The following FBLN1 variants were observed in gnomAD, a reference collection of about 807,000 sequenced individuals.
FBLN1 encodes fibulin 1, also known as fibulin-1.
A neutral mutation model predicts 89.7 loss-of-function variants in FBLN1; 34 were observed. The observed-to-expected ratio is 0.38, with a 90% confidence interval of 0.29 to 0.50. The LOEUF is 0.50. FBLN1 is among the 20% of genes least tolerant of loss of function. FBLN1 has a pLI of 0.92. For synonymous variants in FBLN1, 393 were observed against 391.3 expected, an observed-to-expected ratio of 1.00 and a Z score of -0.05; for missense variants, 777 against 988.1, an observed-to-expected ratio of 0.79 and a Z score of 2.86.
chr22:45,505,280 C>T (rs1014404376), intron 1 of FBLN1, among the ~76,000 whole-genome samples: 1 of 152,190 alleles, frequency 6.6e-6, no homozygotes, highest in Non-Finnish European at 1.5e-5. Flanking sequence ...GGCAGCGTTT[C>T]CGACTGATTA....
Position 45,562,956 on chromosome 22 carries a change from A to G in FBLN1, c.1698-11555A>G. On this transcript the variant is annotated intron_variant, in intron 14 of 16. Transcript: ENST00000327858. This position sits in a 1 kb window ranked among gnomAD's most constrained non-coding sequence, Gnocchi z 7.8. ...TGCCATGAGAATCGGGAGTGCTCCA[A>G]GCTGCCTCTGAGAATAACCTACTAC... 6.2e-7 allele frequency: 1 copy of G among 1,614,008 alleles called. No individual in the cohort carries two copies. Among genetic ancestry groups the G allele is most frequent in the Non-Finnish European group, 8.5e-7 (1 of 1,180,010 alleles).
At chr22:45,503,663 A>T (rs1021689417) in intron 1 of FBLN1, among the ~76,000 whole-genome samples, 4 of 152,046 alleles carry the variant, frequency 2.6e-5, no homozygotes, top group Non-Finnish European at 5.9e-5. Flanking sequence ...GATGGAGGGG[A>T]TGCGGACCTG....
chr22:45,554,694 C>T (rs563795450), intron 14 of FBLN1, among the ~76,000 whole-genome samples: 115 of 152,328 alleles, frequency 7.5e-4, no homozygotes, highest in African/African-American at 2.7e-3. Context: ...ATGCTCCTGA[C>T]CTCAGAATCC....
chr22:45,554,899 A>G (rs1378643904), intron 14 of FBLN1, among the ~76,000 whole-genome samples: 1 of 152,156 alleles, frequency 6.6e-6, no homozygotes, highest in East Asian at 1.9e-4. Context: ...GGAAGATAAT[A>G]CCGATCTCCA....
intron 1 of FBLN1, 48 bp from the exon 2 acceptor site, chr22:45,518,634 C>A (rs370995623): frequency 1.4e-6 from 2 of 1,446,052 alleles, no homozygotes; most frequent in Non-Finnish European, 1.9e-6. Context: ...GGGCCCTCCA[C>A]CCGCTGAGTG....
At chr22:45,593,412 A>G (rs768113087) in intron 16 of FBLN1, among the ~76,000 whole-genome samples, 1 of 152,136 alleles carries the variant, frequency 6.6e-6, no homozygotes, top group Non-Finnish European at 1.5e-5. Flanking sequence ...GGGGACCTAC[A>G]TTTTTCAACA....
intron 16 of FBLN1, among the ~76,000 whole-genome samples, chr22:45,586,005 C>CCAGACCCCT (rs1262590509): frequency 2.0e-5 from 3 of 146,346 alleles, no homozygotes; most frequent in Non-Finnish European, 3.0e-5. Context: ...TGGGCTCAGG[C>CCAGACCCCT]CAGACCCCTC....
chr22:45,570,355 G>GAAAAAAAAAAAAAAAAAAAAAAAAAA (rs56383142), intron 14 of FBLN1, among the ~76,000 whole-genome samples: 4 of 108,624 alleles, frequency 3.7e-5, no homozygotes, highest in Non-Finnish European at 7.1e-5. Flanking sequence ...GAAAAGAAAA[G>GAAAAAAAAAAAAAAAAAAAAAAAAAA]AAAAAAAAAA....
chr22:45,516,658 G>C (rs1368104115), intron 1 of FBLN1, among the ~76,000 whole-genome samples: 1 of 152,226 alleles, frequency 6.6e-6, no homozygotes, highest in East Asian at 1.9e-4. Flanking sequence ...AGGTGGGAGG[G>C]GGGCTGAGTG....
chr22:45,515,788 T>C (rs112077905), intron 1 of FBLN1, among the ~76,000 whole-genome samples: 1,918 of 152,298 alleles, frequency 0.013, 36 homozygotes, highest in African/African-American at 0.043. Context: ...GGGAAGACAG[T>C]GCAAGCCCCG....
At chr22:45,558,034 C>A in intron 14 of FBLN1, 1 of 715,550 alleles carries the variant, frequency 1.4e-6, no homozygotes, top group Non-Finnish European at 2.6e-6. Context: ...GCAGAATGAT[C>A]TGTGAACCAG....
chr22:45,541,314 G>A lies in FBLN1; in HGVS notation c.1008G>A (p.Lys336=), dbSNP rs762953353. ...CAGAGGGCTCCTACACGTGCCAGAA[G>A]AACGTGCCCAACTGTGGCCGTGGCT... is the stretch of plus-strand genomic sequence containing the variant. ...INTEGSYTCQ[K]NVPNCGRGYH... The change falls in exon 9 of 17, where the codon AAG becomes AAA. Residue 336 remains lysine, a synonymous_variant. Transcript: ENST00000327858. 8.1e-6 allele frequency: 13 copies of A among 1,614,272 alleles called. No homozygotes were observed. Among genetic ancestry groups the A allele is most frequent in the African/African-American group, 8.0e-5 (6 of 75,076 alleles).
rs1412843802 is a variant in FBLN1, at chr22:45,536,974, C to T, written c.922+1637C>T. 1.3e-5 allele frequency among the ~76,000 whole-genome samples: 2 copies of T among 152,210 alleles called. No homozygotes were observed. Among genetic ancestry groups the T allele is most frequent in the African/African-American group, 4.8e-5 (2 of 41,456 alleles). On this transcript the variant is annotated intron_variant, in intron 8 of 16. Coordinates refer to ENST00000327858, the MANE Select transcript of FBLN1 (RefSeq NM_006486.3). The surrounding 1 kb of genome is among the most constrained non-coding windows in gnomAD (Gnocchi z 5.1). Reference sequence around the variant, plus strand: ...GAGTCCTGCTTTCCCCAGCCGTTGTCAGGTTAACTGCCTGGCTAGGCCGCT... The same window carrying T: ...GAGTCCTGCTTTCCCCAGCCGTTGTTAGGTTAACTGCCTGGCTAGGCCGCT...
rs546497379 is a variant in FBLN1 at position 45,536,748 on chromosome 22, G to A, written c.922+1411G>A. 6.6e-6 allele frequency among the ~76,000 whole-genome samples: 1 copy of A among 151,780 alleles called. No individual in the cohort carries two copies. Among genetic ancestry groups the A allele is most frequent in the East Asian group, 1.9e-4 (1 of 5,172 alleles). The stretch of plus-strand genomic sequence containing the variant: ...CCACTGTACTCCAGCCTGGGTGACA[G>A]AGTGAGACTCCATCTCAAAAAAGAA... On this transcript the variant is annotated intron_variant, in intron 8 of 16. Coordinates refer to ENST00000327858, the MANE Select transcript of FBLN1 (RefSeq NM_006486.3). The surrounding 1 kb of genome is among the most constrained non-coding windows in gnomAD (Gnocchi z 5.1).
In FBLN1 at chr22:45,572,593, A is replaced by G. The variant is rs1034556851; in HGVS notation, c.1698-1918A>G. ...AAGCATCTGTTTACAGGAGTAGTCCAGCTAATAAATGGAAGTGAAGTGGTA... is the reference window on the plus strand; with the variant it reads ...AAGCATCTGTTTACAGGAGTAGTCCGGCTAATAAATGGAAGTGAAGTGGTA... On this transcript the variant is annotated intron_variant, in intron 14 of 16. Transcript: ENST00000327858. The surrounding 1 kb of genome is among the most constrained non-coding windows in gnomAD (Gnocchi z 5.8). Among the ~76,000 whole-genome samples, 1 of 152,270 alleles carries G rather than the reference A, an allele frequency of 6.6e-6. No individual in the cohort carries two copies. The highest frequency in any genetic ancestry group is 2.4e-5 in the African/African-American group (1 of 41,472).
Position 45,531,224 on chromosome 22 carries a change from G to T in FBLN1, c.485-41G>T. 6.4e-7 allele frequency: 1 copy of T among 1,566,662 alleles called. No homozygotes were observed. Among genetic ancestry groups the T allele is most frequent in the Non-Finnish European group, 8.8e-7 (1 of 1,136,796 alleles). ...GGGAGTTTCTTTTAAGATAAGATGG[G>T]TGTTTGGATAAATGTCTGACTTGGT... On this transcript the variant is annotated intron_variant, in intron 4 of 16. Transcript: ENST00000327858. This position sits in a 1 kb window ranked among gnomAD's most constrained non-coding sequence, Gnocchi z 4.9.
intron 16 of FBLN1, among the ~76,000 whole-genome samples, chr22:45,591,933 G>A (rs111590274): frequency 1.5e-5 from 2 of 134,886 alleles, no homozygotes; most frequent in East Asian, 2.4e-4. Context: ...GAAGTGTCCT[G>A]CGCGCCATTT....
intron 16 of FBLN1, among the ~76,000 whole-genome samples, chr22:45,582,942 C>T (rs892247624): frequency 5.3e-5 from 8 of 152,164 alleles, no homozygotes; most frequent in Non-Finnish European, 1.0e-4. Context: ...CCCAAGGCTG[C>T]CCTGGGCCTA....
rs1328853685 is a variant in FBLN1 at position 45,537,370 on chromosome 22, G to A, written c.922+2033G>A. On this transcript the variant is annotated intron_variant, in intron 8 of 16. Coordinates refer to ENST00000327858, the MANE Select transcript of FBLN1 (RefSeq NM_006486.3). This position sits in a 1 kb window ranked among gnomAD's most constrained non-coding sequence, Gnocchi z 5.7. ...ACAGTGACTCACGCCTGTAATTCTGGTACTTTGGGAGGCCAAGGCGGGTGG... is the reference window on the plus strand; with the variant it reads ...ACAGTGACTCACGCCTGTAATTCTGATACTTTGGGAGGCCAAGGCGGGTGG... Among the ~76,000 whole-genome samples the A allele has an allele frequency of 1.3e-5, 2 of 152,132 alleles. No homozygotes were observed. The highest frequency in any genetic ancestry group is 2.9e-5 in the Non-Finnish European group (2 of 68,036).
Sources: gnomAD v4.1 joint callset for allele counts (sites outside exome capture counted in the v4.1 genomes callset) on GRCh38, gnomAD v4.1.1 for gene constraint, Gnocchi (gnomAD v3.1) non-coding constraint, MANE v1.5 for transcripts, NCBI Gene and HGNC (gene_info 2026-07-23, HGNC 2026-07-21) for gene names.